The following GLIS3 variants were observed in gnomAD, a reference collection of about 807,000 sequenced individuals.
The protein encoded by GLIS3 is zinc finger protein GLIS3.
GLIS3 carries 53 observed loss-of-function variants against 78.6 expected under a neutral mutation model. The observed-to-expected ratio is 0.67, with a 90% CI of 0.54 to 0.85. The LOEUF is 0.85. Among genes scored for constraint, GLIS3 ranks in the 40% least tolerant of loss-of-function variants. The pLI is 0.00. For missense variants in GLIS3, 1,703 were observed against 1,231.1 expected, an observed-to-expected ratio of 1.38 and a Z score of -5.74; for synonymous variants, 684 against 509.9, an observed-to-expected ratio of 1.34 and a Z score of -4.60.
chr9:3,856,547 A>C (rs1819804010), intron 8 of GLIS3, among the ~76,000 whole-genome samples: 1 of 152,202 alleles, frequency 6.6e-6, no homozygotes, highest in Admixed American at 6.5e-5. Context: ...ATTTGCATTT[A>C]AGGGGAAATT....
chr9:4,266,247 G>A (rs1825997432), intron 2 of GLIS3, among the ~76,000 whole-genome samples: 1 of 151,512 alleles, frequency 6.6e-6, no homozygotes. Flanking sequence ...AACTTTTTCT[G>A]TCATCAGGAA....
chr9:4,076,296 C>T (rs1030912173), intron 4 of GLIS3, among the ~76,000 whole-genome samples: 1 of 151,962 alleles, frequency 6.6e-6, no homozygotes, highest in Non-Finnish European at 1.5e-5. Flanking sequence ...AACATAATTG[C>T]AAAAGAAAAA....
the GLIS3 span, among the ~76,000 whole-genome samples, chr9:4,420,916 G>C: frequency 6.6e-6 from 1 of 152,038 alleles, no homozygotes; most frequent in Non-Finnish European, 1.5e-5. Context: ...AAGAAATAGA[G>C]CCTTCATTTT....
the GLIS3 span, among the ~76,000 whole-genome samples, chr9:4,373,271 G>T: frequency 1.6e-5 from 2 of 127,310 alleles, 1 homozygote; most frequent in East Asian, 4.9e-4. Context: ...GCAGTTAACA[G>T]CTTCCAGGTC....
At chr9:4,232,378 C>G (rs1217939496) in intron 2 of GLIS3, among the ~76,000 whole-genome samples, 2 of 61,214 alleles carry the variant, frequency 3.3e-5, no homozygotes, top group Admixed American at 2.5e-4. Context: ...CAGACCTTGT[C>G]TCTTAAAAAA....
At chr9:4,466,800 G>A in the GLIS3 span, among the ~76,000 whole-genome samples, 3 of 152,214 alleles carry the variant, frequency 2.0e-5, no homozygotes, top group Non-Finnish European at 4.4e-5. Flanking sequence ...AGTGGGTGCA[G>A]CCCACGGAGT....
At chr9:4,262,204 T>C (rs1275271475) in intron 2 of GLIS3, among the ~76,000 whole-genome samples, 1 of 152,140 alleles carries the variant, frequency 6.6e-6, no homozygotes, top group Non-Finnish European at 1.5e-5. Context: ...ACTCTCCGGC[T>C]ACCTCCTGGA....
chr9:4,418,388 A>T, the GLIS3 span, among the ~76,000 whole-genome samples: 1 of 152,226 alleles, frequency 6.6e-6, no homozygotes, highest in South Asian at 2.1e-4. Context: ...TAAAATTCGG[A>T]TGTTACAGGA....
intron 4 of GLIS3, among the ~76,000 whole-genome samples, chr9:4,040,768 G>C (rs934985151): frequency 6.6e-6 from 1 of 152,202 alleles, no homozygotes; most frequent in African/African-American, 2.4e-5. Flanking sequence ...GTGTTCAGTA[G>C]ATCGTTCTAC....
chr9:4,189,178 G>C (rs980571554), intron 2 of GLIS3, among the ~76,000 whole-genome samples: 5 of 151,666 alleles, frequency 3.3e-5, no homozygotes, highest in Non-Finnish European at 7.4e-5. Context: ...ATGTGTCCCA[G>C]AGATTCTGGT....
intron 2 of GLIS3, among the ~76,000 whole-genome samples, chr9:4,268,635 G>A (rs1353250577): frequency 6.6e-6 from 1 of 152,186 alleles, no homozygotes; most frequent in African/African-American, 2.4e-5. Context: ...TATAATCCCT[G>A]ACTTCTGTTT....
chr9:3,892,316 T>C (rs1018396557), intron 7 of GLIS3, among the ~76,000 whole-genome samples: 1 of 152,210 alleles, frequency 6.6e-6, no homozygotes, highest in Non-Finnish European at 1.5e-5. Flanking sequence ...AGAAGGCAGC[T>C]GCAACTTCTG....
intron 2 of GLIS3, among the ~76,000 whole-genome samples, chr9:4,272,082 T>C (rs1826564037): frequency 6.6e-6 from 1 of 152,196 alleles, no homozygotes; most frequent in South Asian, 2.1e-4. Flanking sequence ...CTCAGTGCAA[T>C]GGCCGACCCA....
intron 2 of GLIS3, among the ~76,000 whole-genome samples, chr9:4,176,240 A>G (rs892678760): frequency 6.6e-6 from 1 of 152,244 alleles, no homozygotes; most frequent in Non-Finnish European, 1.5e-5. Context: ...ACACACATAC[A>G]ATGTAAAAAA....
the GLIS3 span, among the ~76,000 whole-genome samples, chr9:4,447,252 T>C: frequency 6.6e-6 from 1 of 152,058 alleles, no homozygotes; most frequent in Admixed American, 6.5e-5. Flanking sequence ...CTCACTATGT[T>C]GCTCAGGCTG....
At chr9:4,043,493 A>G (rs1351910080) in intron 4 of GLIS3, among the ~76,000 whole-genome samples, 1 of 152,074 alleles carries the variant, frequency 6.6e-6, no homozygotes, top group South Asian at 2.1e-4. Flanking sequence ...AGGCTCCATC[A>G]GTCAGTCTGT....
intron 4 of GLIS3, among the ~76,000 whole-genome samples, chr9:4,056,198 G>A (rs1306213488): frequency 6.6e-6 from 1 of 152,158 alleles, no homozygotes; most frequent in Non-Finnish European, 1.5e-5. Context: ...CTGCAAAGTA[G>A]AATTTCTAAT....
the GLIS3 span, among the ~76,000 whole-genome samples, chr9:4,414,754 C>T: frequency 6.6e-6 from 1 of 152,120 alleles, no homozygotes; most frequent in African/African-American, 2.4e-5. Flanking sequence ...TAGCCAGACT[C>T]TCCCATCCTG....
chr9:4,228,144 T>A (rs549172120), intron 2 of GLIS3, among the ~76,000 whole-genome samples: 29 of 150,216 alleles, frequency 1.9e-4, no homozygotes, highest in Middle Eastern at 3.4e-3. Flanking sequence ...TAAAGCAAAT[T>A]TTTTGAAAGA....
Sources: gnomAD v4.1 joint callset for allele counts (sites outside exome capture counted in the v4.1 genomes callset) on GRCh38, gnomAD v4.1.1 for gene constraint, MANE v1.5 for transcripts, NCBI Gene and HGNC (gene_info 2026-07-23, HGNC 2026-07-21) for gene names.